The following DOCK3 variants were observed in gnomAD, a reference collection of about 807,000 sequenced individuals.
The protein encoded by DOCK3 is dedicator of cytokinesis 3, also known as dedicator of cytokinesis protein 3.
In DOCK3, 60 loss-of-function variants were observed where a neutral mutation model predicts 265.6. That is an observed-to-expected ratio of 0.23 (90% CI 0.18 to 0.28). The LOEUF (loss-of-function observed/expected upper bound fraction) is 0.28, where lower values mean the gene tolerates loss of function less well. DOCK3 is among the 10% of genes least tolerant of loss of function. The pLI, the probability that DOCK3 is intolerant of heterozygous loss-of-function variation, is 1.00. For missense variants in DOCK3, 1,981 were observed against 2,594.3 expected (o/e 0.76, Z 5.14); for synonymous variants, 881 against 938.0 (o/e 0.94, Z 1.11).
At chr3:51,349,560 T>TA (rs2085833528) in intron 39 of DOCK3, among the ~76,000 whole-genome samples, 1 of 152,174 alleles carries the variant, frequency 6.6e-6, no homozygotes, top group Admixed American at 6.5e-5. Flanking sequence ...CATGTTCCTC[T>TA]AGCAGTGGCT....
At chr3:51,292,415 G>T (rs2081837188) in intron 27 of DOCK3, among the ~76,000 whole-genome samples, 1 of 152,090 alleles carries the variant, frequency 6.6e-6, no homozygotes, top group Admixed American at 6.6e-5. Flanking sequence ...CAGTAAAATT[G>T]CAGGAGACAA....
At chr3:50,853,772 A>T (rs1211122781) in intron 3 of DOCK3, among the ~76,000 whole-genome samples, 5 of 152,186 alleles carry the variant, frequency 3.3e-5, no homozygotes, top group African/African-American at 1.2e-4. Context: ...TGTGATAGAC[A>T]TATGTGTGCA....
At chr3:51,324,628 A>G (rs916579228) in intron 32 of DOCK3, among the ~76,000 whole-genome samples, 6 of 152,242 alleles carry the variant, frequency 3.9e-5, no homozygotes, top group Admixed American at 3.3e-4. Flanking sequence ...AGGCAAAAAG[A>G]ACAAAGCTGG....
At chr3:51,054,267 A>C (rs2081118653) in intron 5 of DOCK3, among the ~76,000 whole-genome samples, 1 of 152,078 alleles carries the variant, frequency 6.6e-6, no homozygotes, top group Admixed American at 6.5e-5. Context: ...TAAGATGAAA[A>C]ATTTTTAAAG....
chr3:50,902,553 A>G (rs1359592649), intron 4 of DOCK3, among the ~76,000 whole-genome samples: 2 of 152,104 alleles, frequency 1.3e-5, no homozygotes, highest in Non-Finnish European at 1.5e-5. Context: ...CTGTTTTTGT[A>G]CCAGTACCAT....
chr3:50,710,499 A>T (rs145652471), intron 1 of DOCK3, among the ~76,000 whole-genome samples: 89 of 152,318 alleles, frequency 5.8e-4, no homozygotes, highest in Non-Finnish European at 1.1e-3. Context: ...TAATTAAAAA[A>T]TAATAATAAA....
chr3:50,697,991 T>C (rs1291578083), intron 1 of DOCK3, among the ~76,000 whole-genome samples: 1 of 152,190 alleles, frequency 6.6e-6, no homozygotes, highest in Non-Finnish European at 1.5e-5. Flanking sequence ...CTATTTTTCT[T>C]TTTTTATCTT....
intron 5 of DOCK3, among the ~76,000 whole-genome samples, chr3:50,994,224 G>T (rs2078204360): frequency 6.6e-6 from 1 of 152,152 alleles, no homozygotes; most frequent in Non-Finnish European, 1.5e-5. Context: ...CATGTAGTTG[G>T]TAAGGGAAAA....
chr3:51,198,579 C>CAA (rs33915233), intron 12 of DOCK3, among the ~76,000 whole-genome samples: 99,367 of 130,816 alleles, frequency 0.76, 38,327 homozygotes, highest in Middle Eastern at 0.86. Context: ...GACAGGTCAC[C>CAA]AAAAAAAAAA....
At chr3:50,828,077 C>T (rs962950862) in intron 2 of DOCK3, among the ~76,000 whole-genome samples, 4 of 151,784 alleles carry the variant, frequency 2.6e-5, no homozygotes, top group Non-Finnish European at 4.4e-5. Flanking sequence ...TACAGTTGTG[C>T]GCCACCATGC....
intron 1 of DOCK3, among the ~76,000 whole-genome samples, chr3:50,688,909 A>G (rs898065142): frequency 6.6e-6 from 1 of 152,214 alleles, no homozygotes; most frequent in Non-Finnish European, 1.5e-5. Context: ...GCCTAGAGCT[A>G]GCTTGTGGGC....
At chr3:51,306,776 G>A (rs913532513) in intron 27 of DOCK3, among the ~76,000 whole-genome samples, 5 of 151,996 alleles carry the variant, frequency 3.3e-5, no homozygotes, top group Admixed American at 1.3e-4. Context: ...TACCCTTTTT[G>A]TTGGCATCCT....
At chr3:51,195,256 C>T (rs2088210696) in intron 12 of DOCK3, among the ~76,000 whole-genome samples, 1 of 152,118 alleles carries the variant, frequency 6.6e-6, no homozygotes, top group Non-Finnish European at 1.5e-5. Context: ...TGCTTTGTTT[C>T]TGTCATTTAT....
chr3:50,896,126 C>T lies in DOCK3; in HGVS notation c.218+6045C>T, dbSNP rs532652707. Among the ~76,000 whole-genome samples, 25 of 152,332 alleles carry T rather than the reference C, an allele frequency of 1.6e-4. No individual in the cohort carries two copies. In the South Asian group the frequency reaches 5.0e-3, roughly 30 times the overall value. On this transcript the variant is annotated intron_variant, in intron 4 of 52. Transcript: ENST00000266037. Reference sequence around the variant, plus strand: ...CTTCCACAATGGTTGAACTAATTTACACTCCCACGAACAGTGTAAAAGTGT... The same window carrying T: ...CTTCCACAATGGTTGAACTAATTTATACTCCCACGAACAGTGTAAAAGTGT...
intron 4 of DOCK3, among the ~76,000 whole-genome samples, chr3:50,907,160 A>G (rs1341621767): frequency 6.6e-6 from 1 of 152,098 alleles, no homozygotes; most frequent in Non-Finnish European, 1.5e-5. Context: ...TTTCCTGAGG[A>G]GTGCTTTACT....
intron 6 of DOCK3, among the ~76,000 whole-genome samples, chr3:51,070,308 G>T (rs928391602): frequency 6.6e-6 from 1 of 152,168 alleles, no homozygotes; most frequent in African/African-American, 2.4e-5. Flanking sequence ...ACAACTACTT[G>T]TAGCCATTAT....
At chr3:50,790,833 T>A (rs1004184303) in intron 2 of DOCK3, among the ~76,000 whole-genome samples, 8 of 152,232 alleles carry the variant, frequency 5.3e-5, no homozygotes, top group African/African-American at 1.9e-4. Context: ...TGAGATGGTA[T>A]CTCATTGTGA....
At chr3:50,713,029 T>C (rs1426772196) in intron 1 of DOCK3, among the ~76,000 whole-genome samples, 1 of 152,208 alleles carries the variant, frequency 6.6e-6, no homozygotes, top group African/African-American at 2.4e-5. Flanking sequence ...CCCTTTGATG[T>C]CCTGGATGGA....
intron 23 of DOCK3, among the ~76,000 whole-genome samples, chr3:51,260,942 C>T (rs1240073487): frequency 6.6e-6 from 1 of 151,828 alleles, no homozygotes; most frequent in Non-Finnish European, 1.5e-5. Flanking sequence ...CAAGATCGCA[C>T]CACTGCACTC....
Sources: gnomAD v4.1 joint callset for allele counts (sites outside exome capture counted in the v4.1 genomes callset) on GRCh38, gnomAD v4.1.1 for gene constraint, MANE v1.5 for transcripts, NCBI Gene and HGNC (gene_info 2026-07-23, HGNC 2026-07-21) for gene names.